The following PGAP1 variants were observed in gnomAD, a reference collection of about 807,000 sequenced individuals.
PGAP1 encodes the protein post-GPI attachment to proteins inositol deacylase 1, also known as GPI inositol-deacylase.
In PGAP1, 76 loss-of-function variants were observed where a neutral mutation model predicts 127.0. The observed-to-expected ratio is 0.60, with a 90% CI of 0.50 to 0.72. The LOEUF is 0.72. PGAP1 is among the 30% of genes least tolerant of loss of function. PGAP1 has a pLI of 0.00. For synonymous variants in PGAP1, 362 were observed against 366.5 expected (o/e 0.99, Z 0.14); for missense variants, 982 against 1,071.3 (o/e 0.92, Z 1.16).
intron 2 of PGAP1, among the ~76,000 whole-genome samples, chr2:196,919,672 C>A (rs1163725342): frequency 1.3e-5 from 2 of 152,174 alleles, no homozygotes; most frequent in East Asian, 3.8e-4. Context: ...AGGTTCTGTT[C>A]TCTTTACCCT....
chr2:196,887,537 A>G (rs1701954713), intron 10 of PGAP1, among the ~76,000 whole-genome samples: 1 of 152,224 alleles, frequency 6.6e-6, no homozygotes, highest in Admixed American at 6.5e-5. Context: ...GATGAGAAGC[A>G]CTGCTCACAT....
In PGAP1 at chr2:196,834,541, T is replaced by G. The variant is rs1700185318; in HGVS notation, c.*6693A>C. ...CAATTTTGGTCTGGTTTCTCATGGG[T>G]ATGTTGTTATATTTATAGCCAGTCA... is the stretch of plus-strand genomic sequence containing the variant. On this transcript the variant is annotated 3_prime_UTR_variant, in exon 27 of 27. Transcript: ENST00000354764. The G allele has an allele frequency of 6.6e-6, 1 of 152,578 alleles. No homozygotes were observed. Among genetic ancestry groups the G allele is most frequent in the African/African-American group, 2.4e-5 (1 of 41,566 alleles). The allele number at this position is 152,578 out of a possible 1,614,324, so 9.5% of individuals were successfully genotyped here.
At chr2:196,887,820 T>C (rs933044312) in intron 10 of PGAP1, among the ~76,000 whole-genome samples, 3 of 152,198 alleles carry the variant, frequency 2.0e-5, no homozygotes, top group African/African-American at 2.4e-5. Context: ...GTGAGTCCTG[T>C]ATCAGTTACC....
At chr2:196,845,829 TGTA>T in intron 23 of PGAP1, 50 bp downstream of exon 23, 1 of 1,481,944 alleles carries the variant, frequency 6.7e-7, no homozygotes, top group Non-Finnish European at 9.1e-7. Flanking sequence ...ACATCCTACA[TGTA>T]TGTGCCTAAT....
At position 196,912,904 on chromosome 2, in the gene PGAP1, C is replaced by T; in HGVS notation, c.627G>A (p.Met209Ile). The T allele has an allele frequency of 1.9e-6, 3 of 1,611,104 alleles. No homozygotes were observed. The highest frequency in any genetic ancestry group is 2.2e-5 in the South Asian group (2 of 90,266). Reference protein sequence around the residue: ...TQATPHVAPVMPLDRFITDFY... With the variant: ...TQATPHVAPVIPLDRFITDFY... ...CACCTGTAATGAAACGATCTAATGG[C>T]ATCACAGGAGCAACATGAGGTGTGG... Residue 209 changes from methionine (M) to isoleucine (I), a missense_variant, in exon 4 of 27, where the codon ATG becomes ATA. Coordinates refer to ENST00000354764, the MANE Select transcript of PGAP1 (RefSeq NM_024989.4).
At chr2:196,886,452 C>T (rs1304704951) in intron 10 of PGAP1, among the ~76,000 whole-genome samples, 1 of 151,994 alleles carries the variant, frequency 6.6e-6, no homozygotes. Flanking sequence ...TGAGCCACCA[C>T]GCCTCGCCAT....
chr2:196,866,418 T>C (rs893821417), intron 19 of PGAP1, among the ~76,000 whole-genome samples: 8 of 152,188 alleles, frequency 5.3e-5, no homozygotes, highest in Non-Finnish European at 8.8e-5. Context: ...TGGCTAGCCA[T>C]ATGCAGAAAA....
chr2:196,892,539 G>A (rs1702134655), intron 8 of PGAP1, 138 bp from the exon 9 acceptor site: 3 of 474,384 alleles, frequency 6.3e-6, no homozygotes, highest in Non-Finnish European at 1.1e-5. Context: ...TATTAAAACA[G>A]AAAATCTAGT....
intron 19 of PGAP1, among the ~76,000 whole-genome samples, chr2:196,869,063 T>A (rs1403775307): frequency 1.3e-5 from 2 of 152,202 alleles, no homozygotes; most frequent in African/African-American, 4.8e-5. Context: ...AATCCACCTT[T>A]GATACTGTAA....
At position 196,875,792 on chromosome 2, in the gene PGAP1, T is replaced by C; in HGVS notation, c.1380A>G (p.Lys460=). 1 of 1,532,192 alleles carries C rather than the reference T, an allele frequency of 6.5e-7. No homozygotes were observed. The highest frequency in any genetic ancestry group is 2.3e-5 in the East Asian group (1 of 44,276). 94.9% of individuals were successfully genotyped at this position (1,532,192 alleles called of 1,614,324 possible). A position where few individuals can be genotyped will look rare whatever the true frequency, so the allele number is the denominator to read the frequency against. The change falls in exon 14 of 27, where the codon AAA becomes AAG. Residue 460 remains lysine, a synonymous_variant. Coordinates refer to ENST00000354764, the MANE Select transcript of PGAP1 (RefSeq NM_024989.4). ...KFVVDCEFFK[K]EKRYIQLPVT... is the part of the protein sequence containing the mutation. ...CAGGAAGCTGTATGTATCTTTTCTC[T>C]TTTTTAAAGAATTCACAATCTACAA...
At chr2:196,880,244 C>A (rs189173985) in intron 12 of PGAP1, 91 bp from the exon 13 acceptor site, 52 of 805,630 alleles carry the variant, frequency 6.5e-5, no homozygotes, top group Non-Finnish European at 8.8e-5. Flanking sequence ...TTACTTAATT[C>A]GTTATCTTAA....
chr2:196,904,513 G>A (rs990234306), intron 4 of PGAP1, among the ~76,000 whole-genome samples: 14 of 152,080 alleles, frequency 9.2e-5, no homozygotes, highest in South Asian at 4.1e-4. Flanking sequence ...CGAGGCGGGC[G>A]GATCATGAGG....
At chr2:196,911,644 A>T (rs10165627) in intron 4 of PGAP1, among the ~76,000 whole-genome samples, 34 of 148,554 alleles carry the variant, frequency 2.3e-4, no homozygotes, top group African/African-American at 8.4e-4. Flanking sequence ...AAATTAAGAT[A>T]ATGCAAATTT....
chr2:196,887,013 T>C (rs576535439), intron 10 of PGAP1, among the ~76,000 whole-genome samples: 2 of 152,280 alleles, frequency 1.3e-5, no homozygotes, highest in Admixed American at 1.3e-4. Flanking sequence ...AAAGCCCAAT[T>C]CCAAGGGCTC....
intron 4 of PGAP1, among the ~76,000 whole-genome samples, chr2:196,906,664 G>A (rs1301836003): frequency 2.1e-5 from 1 of 47,018 alleles, no homozygotes; most frequent in Non-Finnish European, 4.3e-5. Context: ...AGCTACGGGA[G>A]GACATTCAAA....
intron 20 of PGAP1, among the ~76,000 whole-genome samples, chr2:196,855,604 T>C (rs1284084265): frequency 1.3e-5 from 2 of 152,186 alleles, no homozygotes; most frequent in Non-Finnish European, 2.9e-5. Flanking sequence ...GGTTCTTCAC[T>C]TAAAGGTTTT....
Position 196,881,899 on chromosome 2 carries a change from G to A in PGAP1, c.1273-1746C>T, listed in dbSNP as rs978885651. On this transcript the variant is annotated intron_variant, in intron 12 of 26. Coordinates refer to ENST00000354764, the MANE Select transcript of PGAP1 (RefSeq NM_024989.4). ...ATCCCATTTGTCAATTTTTGCTTTT[G>A]GTATCAACATCATGAAATCTTTGCC... 3.3e-5 allele frequency among the ~76,000 whole-genome samples: 5 copies of A among 152,060 alleles called. No homozygotes were observed. The East Asian group carries it at 9.6e-4, about 29-fold the overall frequency.
At chr2:196,881,519 C>T (rs769439135) in intron 12 of PGAP1, among the ~76,000 whole-genome samples, 3 of 152,182 alleles carry the variant, frequency 2.0e-5, no homozygotes, top group Non-Finnish European at 4.4e-5. Context: ...TCTGCAACCT[C>T]GCCAGCATCT....
intron 2 of PGAP1, among the ~76,000 whole-genome samples, chr2:196,917,733 A>G (rs762095803): frequency 7.2e-5 from 11 of 152,126 alleles, no homozygotes; most frequent in Non-Finnish European, 1.5e-4. Flanking sequence ...TGATTCATCT[A>G]TTTATCAGCT....
Sources: allele counts gnomAD v4.1 joint callset (sites outside exome capture counted in the v4.1 genomes callset), GRCh38; gene constraint gnomAD v4.1.1; transcripts MANE v1.5; gene names NCBI Gene and HGNC (gene_info 2026-07-23, HGNC 2026-07-21).